PLA2G4A: variants seen among roughly 807,000 people sequenced by gnomAD.
PLA2G4A encodes the protein cytosolic phospholipase A2.
A neutral mutation model predicts 81.9 loss-of-function variants in PLA2G4A; 40 were observed. That is an observed-to-expected ratio of 0.49 (90% CI 0.38 to 0.64). The LOEUF (loss-of-function observed/expected upper bound fraction) is 0.64. PLA2G4A is among the 30% of genes least tolerant of loss of function. PLA2G4A has a pLI of 0.00. For missense variants in PLA2G4A, 715 were observed against 905.1 expected, an observed-to-expected ratio of 0.79 and a Z score of 2.69; for synonymous variants, 302 against 296.9, an observed-to-expected ratio of 1.02 and a Z score of -0.18.
At chr1:186,866,875 G>T (rs1046742465) in intron 2 of PLA2G4A, among the ~76,000 whole-genome samples, 1 of 151,954 alleles carries the variant, frequency 6.6e-6, no homozygotes, top group Non-Finnish European at 1.5e-5. Flanking sequence ...TGTATTTCAG[G>T]CCCAGTTATC....
At chr1:186,862,027 A>G (rs1652821225) in intron 2 of PLA2G4A, among the ~76,000 whole-genome samples, 4 of 150,106 alleles carry the variant, frequency 2.7e-5, no homozygotes, top group Non-Finnish European at 5.9e-5. Context: ...ACATGAGTGT[A>G]GAAATAATAA....
intron 3 of PLA2G4A, among the ~76,000 whole-genome samples, chr1:186,871,395 C>G (rs555027503): frequency 2.6e-5 from 4 of 152,200 alleles, no homozygotes; most frequent in African/African-American, 9.6e-5. Flanking sequence ...TTAGATTTAA[C>G]ATCTTAGATT....
At chr1:186,931,534 A>G (rs1231754558) in intron 7 of PLA2G4A, among the ~76,000 whole-genome samples, 2 of 149,282 alleles carry the variant, frequency 1.3e-5, no homozygotes, top group Non-Finnish European at 3.0e-5. Flanking sequence ...TATTATTATT[A>G]TTATTATTAT....
At chr1:186,946,544 A>G (rs1656352718) in intron 10 of PLA2G4A, 93 bp from the exon 11 acceptor site, 1 of 887,000 alleles carries the variant, frequency 1.1e-6, no homozygotes, top group Admixed American at 1.7e-5. Flanking sequence ...GAATGAGAAT[A>G]AGCATAACAT....
intron 14 of PLA2G4A, among the ~76,000 whole-genome samples, chr1:186,962,287 G>C (rs1357799837): frequency 6.6e-6 from 1 of 152,014 alleles, no homozygotes; most frequent in Non-Finnish European, 1.5e-5. Flanking sequence ...AGTATATGTA[G>C]AGATTTGTAC....
intron 2 of PLA2G4A, among the ~76,000 whole-genome samples, chr1:186,857,867 C>A (rs903859430): frequency 6.6e-6 from 1 of 152,034 alleles, no homozygotes; most frequent in Admixed American, 6.6e-5. Flanking sequence ...GTTTTCTGTT[C>A]CTGTGTTAGT....
At chr1:186,938,921 C>G in intron 8 of PLA2G4A, 87 bp from the exon 9 acceptor site, 2 of 775,048 alleles carry the variant, frequency 2.6e-6, no homozygotes, top group Non-Finnish European at 4.7e-6. Context: ...GTCCACCATG[C>G]TTTATTTACA....
intron 3 of PLA2G4A, among the ~76,000 whole-genome samples, chr1:186,874,465 C>T (rs562693752): frequency 6.6e-6 from 1 of 152,092 alleles, no homozygotes; most frequent in East Asian, 1.9e-4. Context: ...TCACTCCCTG[C>T]TATGAGATTA....
At chr1:186,937,980 A>G (rs1656016563) in intron 8 of PLA2G4A, among the ~76,000 whole-genome samples, 1 of 152,110 alleles carries the variant, frequency 6.6e-6, no homozygotes, top group South Asian at 2.1e-4. Context: ...GATAACCATT[A>G]TAGTAGACAT....
intron 3 of PLA2G4A, among the ~76,000 whole-genome samples, chr1:186,874,712 T>A (rs1653406528): frequency 6.6e-6 from 1 of 152,078 alleles, no homozygotes; most frequent in East Asian, 1.9e-4. Context: ...GACAACAGTG[T>A]TTAATGCTCA....
chr1:186,908,958 CTTTTCTTTTCTTTTTTTT>C, intron 6 of PLA2G4A, among the ~76,000 whole-genome samples: 1 of 123,246 alleles, frequency 8.1e-6, no homozygotes, highest in South Asian at 2.7e-4. Flanking sequence ...ATTTTAATTT[CTTTTCTTTTCTTTTTTTT>C]TTTTTTTTTT....
chr1:186,969,168 T>C (rs1657247859), intron 15 of PLA2G4A, among the ~76,000 whole-genome samples: 1 of 151,770 alleles, frequency 6.6e-6, no homozygotes, highest in Non-Finnish European at 1.5e-5. Flanking sequence ...GTTTCAAATA[T>C]TTATGTAGGA....
intron 2 of PLA2G4A, among the ~76,000 whole-genome samples, chr1:186,857,825 T>TCCCA (rs1003030476): frequency 3.9e-5 from 6 of 152,014 alleles, no homozygotes; most frequent in African/African-American, 1.5e-4. Context: ...ATTGTTCAGT[T>TCCCA]CCCACCTATG....
At chr1:186,836,363 G>A (rs533418327) in intron 1 of PLA2G4A, among the ~76,000 whole-genome samples, 342 of 151,436 alleles carry the variant, frequency 2.3e-3, no homozygotes, top group Non-Finnish European at 3.9e-3. Context: ...CAAGCCAATT[G>A]TCAATCTAAG....
At chr1:186,926,871 C>T (rs1424746538) in intron 7 of PLA2G4A, among the ~76,000 whole-genome samples, 1 of 152,164 alleles carries the variant, frequency 6.6e-6, no homozygotes. Flanking sequence ...TAATATTATA[C>T]ATATTCTTGG....
At position 186,878,539 on chromosome 1, in the gene PLA2G4A, A is replaced by G. The variant is rs552955350; in HGVS notation, c.115+8023A>G. On this transcript the variant is annotated intron_variant, in intron 3 of 17. Coordinates refer to ENST00000367466, the MANE Select transcript of PLA2G4A (RefSeq NM_024420.3). ...CATGGAAGATAATTTCAAGATGAGTAAAGTGTTTCATAACGCATGTCTCTC... is the reference window on the plus strand; with the variant it reads ...CATGGAAGATAATTTCAAGATGAGTGAAGTGTTTCATAACGCATGTCTCTC... Among the ~76,000 whole-genome samples the G allele has an allele frequency of 3.0e-4, 46 of 151,796 alleles. 1 individual carries two copies. The highest frequency in any genetic ancestry group is 2.9e-3 in the South Asian group (14 of 4,826).
chr1:186,840,548 C>T (rs775831676), intron 1 of PLA2G4A, among the ~76,000 whole-genome samples: 3 of 152,142 alleles, frequency 2.0e-5, no homozygotes, highest in Non-Finnish European at 4.4e-5. Context: ...TTCCGCAATT[C>T]CTGATGATAT....
chr1:186,923,924 A>G (rs1354179939), intron 7 of PLA2G4A, among the ~76,000 whole-genome samples: 1 of 152,226 alleles, frequency 6.6e-6, no homozygotes, highest in Non-Finnish European at 1.5e-5. Context: ...TAGAGAAATA[A>G]AAAGTTAGGA....
At chr1:186,864,665 T>TTAG (rs1652948917) in intron 2 of PLA2G4A, among the ~76,000 whole-genome samples, 2 of 150,898 alleles carry the variant, frequency 1.3e-5, no homozygotes, top group African/African-American at 4.8e-5. Context: ...ATTATTATTA[T>TTAG]TATTATTTTG....
Sources: gnomAD v4.1 joint callset for allele counts (sites outside exome capture counted in the v4.1 genomes callset) on GRCh38, gnomAD v4.1.1 for gene constraint, MANE v1.5 for transcripts, NCBI Gene and HGNC (gene_info 2026-07-23, HGNC 2026-07-21) for gene names.